The following C10orf67 variants were observed in gnomAD, a reference collection of about 807,000 sequenced individuals.
C10orf67 encodes the protein chromosome 10 open reading frame 67.
In C10orf67, 60 loss-of-function variants were observed where a neutral mutation model predicts 35.6. That is an observed-to-expected ratio of 1.68 (90% CI 1.37 to 2.09). The LOEUF is 2.09. Ranked by LOEUF, C10orf67 falls within the 30% of genes most tolerant of loss-of-function variation. C10orf67 has a pLI of 0.00. For synonymous variants in C10orf67, 167 were observed against 115.8 expected (o/e 1.44, Z -2.84); for missense variants, 474 against 330.2 (o/e 1.44, Z -3.38).
intron 1 of C10orf67, among the ~76,000 whole-genome samples, chr10:23,341,798 A>C (rs886959155): frequency 6.6e-6 from 1 of 152,038 alleles, no homozygotes; most frequent in African/African-American, 2.4e-5. Context: ...ATAGATCCTT[A>C]GGGCTCCCCC....
intron 2 of C10orf67, among the ~76,000 whole-genome samples, chr10:23,328,057 T>G (rs1029130395): frequency 2.0e-5 from 3 of 152,112 alleles, no homozygotes; most frequent in African/African-American, 7.2e-5. Context: ...AATGAAAAAT[T>G]CGAGTATTTA....
intron 10 of C10orf67, 105 bp downstream of exon 10, chr10:23,266,157 G>C: frequency 2.5e-6 from 1 of 396,976 alleles, no homozygotes; most frequent in Non-Finnish European, 4.4e-6. Context: ...CAGGGGGTGA[G>C]AACCCGGTGT....
intron 5 of C10orf67, among the ~76,000 whole-genome samples, chr10:23,291,544 G>A (rs1050859927): frequency 6.6e-6 from 1 of 152,182 alleles, no homozygotes; most frequent in Non-Finnish European, 1.5e-5. Context: ...TCATCATTCA[G>A]GTCAATTCAT....
intron 2 of C10orf67, among the ~76,000 whole-genome samples, chr10:23,328,000 A>C (rs1019680195): frequency 6.6e-6 from 1 of 152,182 alleles, no homozygotes; most frequent in Non-Finnish European, 1.5e-5. Context: ...TCTAAAAAGC[A>C]TCTTTGAAAA....
intron 10 of C10orf67, among the ~76,000 whole-genome samples, chr10:23,264,431 C>T (rs1842833773): frequency 6.6e-6 from 1 of 152,158 alleles, no homozygotes; most frequent in Non-Finnish European, 1.5e-5. Context: ...TTCAGAGACT[C>T]CCTCAGCTGA....
intron 8 of C10orf67, among the ~76,000 whole-genome samples, chr10:23,281,487 A>G (rs1019198059): frequency 5.9e-5 from 9 of 152,010 alleles, no homozygotes; most frequent in Non-Finnish European, 1.2e-4. Flanking sequence ...CAAATACGCC[A>G]CCATAAGCTG....
chr10:23,311,532 A>G (rs1844494768), intron 4 of C10orf67, among the ~76,000 whole-genome samples: 1 of 152,038 alleles, frequency 6.6e-6, no homozygotes, highest in South Asian at 2.1e-4. Flanking sequence ...ACCAACATGG[A>G]GAAACCCCGT....
At chr10:23,211,566 A>C (rs1303341291) in intron 15 of C10orf67, among the ~76,000 whole-genome samples, 1 of 152,100 alleles carries the variant, frequency 6.6e-6, no homozygotes, top group African/African-American at 2.4e-5. Flanking sequence ...AGGATACACA[A>C]GGAAAAGACT....
At chr10:23,333,258 T>G in intron 1 of C10orf67, 76 bp from the exon 2 acceptor site, 1 of 1,353,694 alleles carries the variant, frequency 7.4e-7, no homozygotes, top group Non-Finnish European at 1.0e-6. Context: ...CGTCTTTTTT[T>G]GTGTAAATCA....
At chr10:23,211,553 G>A (rs532273043) in intron 15 of C10orf67, among the ~76,000 whole-genome samples, 4 of 151,780 alleles carry the variant, frequency 2.6e-5, no homozygotes, top group Non-Finnish European at 5.9e-5. Flanking sequence ...CTAGGTTACA[G>A]ACAGGATACA....
chr10:23,244,607 T>A (rs1002497600), intron 12 of C10orf67, among the ~76,000 whole-genome samples: 1 of 151,960 alleles, frequency 6.6e-6, no homozygotes, highest in Non-Finnish European at 1.5e-5. Flanking sequence ...TATAACAGTG[T>A]CAAAAAATAA....
intron 4 of C10orf67, among the ~76,000 whole-genome samples, chr10:23,305,424 G>A (rs1315680546): frequency 6.6e-6 from 1 of 152,152 alleles, no homozygotes; most frequent in Non-Finnish European, 1.5e-5. Flanking sequence ...GATCACTCGA[G>A]GCCAGGAGTT....
At chr10:23,208,870 C>A (rs1841229722) in intron 15 of C10orf67, among the ~76,000 whole-genome samples, 1 of 152,076 alleles carries the variant, frequency 6.6e-6, no homozygotes, top group Admixed American at 6.5e-5. Context: ...CTCTGGAGAA[C>A]CCTGAGAGTG....
rs1277221649 is a variant in C10orf67, at chr10:23,282,015, C to T, written c.973G>A (p.Val325Met). 3 of 618,582 alleles carry T rather than the reference C, an allele frequency of 4.8e-6. No individual in the cohort carries two copies. Among genetic ancestry groups the T allele is most frequent in the Admixed American group, 5.9e-5 (2 of 34,026 alleles). The allele number at this position is 618,582 out of a possible 1,614,324, so 38.3% of individuals were successfully genotyped here. A position where few individuals can be genotyped will look rare whatever the true frequency, so the allele number is the denominator to read the frequency against. The change falls in exon 8 of 16, where the codon GTG (valine) becomes ATG (methionine). Residue 325 changes from valine (V) to methionine (M), a missense_variant and splice_region_variant. By Grantham distance (21) the Val-to-Met change is conservative. Coordinates refer to ENST00000636213, the MANE Select transcript of C10orf67 (RefSeq NM_001371909.1). ...GGAAATAATGTAAATCATCTTACCA[C>T]ATCCTGAACTAATGATTTTTCATAA... ...LHYEKSLVQD[V>M]INKQKEDKEM...
intron 8 of C10orf67, among the ~76,000 whole-genome samples, chr10:23,276,499 G>T (rs755542479): frequency 2.6e-5 from 4 of 151,918 alleles, no homozygotes; most frequent in Non-Finnish European, 5.9e-5. Context: ...ATATAAAGTG[G>T]TGTGTGTGGG....
intron 5 of C10orf67, among the ~76,000 whole-genome samples, chr10:23,299,935 G>A (rs1295052755): frequency 2.0e-5 from 3 of 150,884 alleles, no homozygotes; most frequent in African/African-American, 4.9e-5. Flanking sequence ...CCAAGATCGC[G>A]CCACTGCACT....
rs1241621161 is a variant in C10orf67 at position 23,203,203 on chromosome 10, G to T, written c.*970C>A. 6.6e-6 allele frequency: 1 copy of T among 152,226 alleles called. No homozygotes were observed. Among genetic ancestry groups the T allele is most frequent in the Non-Finnish European group, 1.5e-5 (1 of 68,054 alleles). 9.4% of individuals were successfully genotyped at this position (152,226 alleles called of 1,614,324 possible). A position where few individuals can be genotyped will look rare whatever the true frequency, so the allele number is the denominator to read the frequency against. On this transcript the variant is annotated 3_prime_UTR_variant, in exon 16 of 16. Coordinates refer to ENST00000636213, the MANE Select transcript of C10orf67 (RefSeq NM_001371909.1). The stretch of plus-strand genomic sequence containing the variant: ...GTTTCTAGGGCAACACTCCTTTGGA[G>T]ACAGCGGCATATAGTGCATAGTAGA...
chr10:23,340,222 A>G (rs2132417338), intron 1 of C10orf67, among the ~76,000 whole-genome samples: 1 of 152,040 alleles, frequency 6.6e-6, no homozygotes, highest in African/African-American at 2.4e-5. Flanking sequence ...ATATTTTAAA[A>G]TCAGGTTCAG....
intron 8 of C10orf67, among the ~76,000 whole-genome samples, chr10:23,271,426 G>C (rs1425029873): frequency 6.6e-6 from 1 of 152,146 alleles, no homozygotes; most frequent in South Asian, 2.1e-4. Context: ...TTTATCTTGG[G>C]TAAATACCAA....
Sources: gnomAD v4.1 joint callset for allele counts (sites outside exome capture counted in the v4.1 genomes callset) on GRCh38, gnomAD v4.1.1 for gene constraint, MANE v1.5 for transcripts, NCBI Gene and HGNC (gene_info 2026-07-23, HGNC 2026-07-21) for gene names.